The following SOCS2 variants were observed in gnomAD, a reference collection of about 807,000 sequenced individuals.
The protein encoded by SOCS2 is CIS-2.
In SOCS2, 10 loss-of-function variants were observed where a neutral mutation model predicts 18.6. The observed-to-expected ratio is 0.54, with a 90% confidence interval of 0.33 to 0.91. SOCS2 has a LOEUF of 0.91. Among genes scored for constraint, SOCS2 ranks in the 40% least tolerant of loss-of-function variants. The pLI is 0.02. For missense variants in SOCS2, 231 were observed against 247.2 expected (o/e 0.93, Z 0.44); for synonymous variants, 104 against 104.0 (o/e 1.00, Z 0.00).
At chr12:93,600,164 G>C in the SOCS2 span, among the ~76,000 whole-genome samples, 1 of 151,930 alleles carries the variant, frequency 6.6e-6, no homozygotes, top group South Asian at 2.1e-4. Context: ...TGGAGATAAA[G>C]GTATAGATTT....
chr12:93,574,992 G>A lies in SOCS2; in HGVS notation c.410G>A (p.Arg137Gln), dbSNP rs1299521480. 1.9e-6 allele frequency: 3 copies of A among 1,614,044 alleles called. No homozygotes were observed. The highest frequency in any genetic ancestry group is 4.5e-5 in the East Asian group (2 of 44,878). ...TATGTTCAGATGTGCAAGGATAAGC[G>A]GACAGGTCCAGAAGCCCCCCGGAAC... is the stretch of plus-strand genomic sequence containing the variant. ...DYYVQMCKDKRTGPEAPRNGT... is the reference protein window; with the variant it reads ...DYYVQMCKDKQTGPEAPRNGT... Residue 137 changes from arginine to glutamine, a missense_variant, in exon 2 of 2, where the codon CGG becomes CAG. Arg to Gln is a conservative substitution (Grantham distance 43). Transcript: ENST00000551556.
At chr12:93,602,384 CT>C in the SOCS2 span, among the ~76,000 whole-genome samples, 6 of 152,192 alleles carry the variant, frequency 3.9e-5, no homozygotes, top group Non-Finnish European at 5.9e-5. Context: ...GCATAAGCCA[CT>C]GTCACTGGCC....
At chr12:93,596,968 C>T in the SOCS2 span, among the ~76,000 whole-genome samples, 2 of 152,172 alleles carry the variant, frequency 1.3e-5, no homozygotes, top group Admixed American at 1.3e-4. Context: ...TTCATGTGGT[C>T]TATATCTCTC....
the SOCS2 span, among the ~76,000 whole-genome samples, chr12:93,595,338 T>TA: frequency 6.6e-6 from 1 of 152,224 alleles, no homozygotes; most frequent in Non-Finnish European, 1.5e-5. Context: ...ATACCTGACT[T>TA]ACGTGTTTCT....
chr12:93,602,254 T>C, the SOCS2 span, among the ~76,000 whole-genome samples: 346 of 152,308 alleles, frequency 2.3e-3, 4 homozygotes, highest in African/African-American at 8.1e-3. Context: ...CCTGGCTAAC[T>C]TTTTTAAAAA....
Position 93,573,054 on chromosome 12 carries a change from C to T in SOCS2, c.139+18C>T. The T allele has an allele frequency of 2.6e-6, 4 of 1,556,474 alleles. 1 individual carries two copies. The East Asian group carries it at 7.1e-5, about 28-fold the overall frequency. On this transcript the variant is annotated intron_variant, in intron 1 of 1. Coordinates refer to ENST00000551556, the MANE Select transcript of SOCS2 (RefSeq NM_001270471.2). ...TCAGACAGGTAGGGAGCCGATCGGC[C>T]GCGACGCGTGCGGGAGGGAGCGCCT...
chr12:93,619,537 AT>A, the SOCS2 span, among the ~76,000 whole-genome samples: 1 of 152,230 alleles, frequency 6.6e-6, no homozygotes, highest in Non-Finnish European at 1.5e-5. Context: ...AGGAATTAAC[AT>A]TTAGGAAGCT....
At chr12:93,620,336 G>T in the SOCS2 span, among the ~76,000 whole-genome samples, 11 of 152,128 alleles carry the variant, frequency 7.2e-5, no homozygotes, top group African/African-American at 2.7e-4. Context: ...TTCTATTGTG[G>T]ACATTCGGGT....
chr12:93,614,445 TCC>T, the SOCS2 span, among the ~76,000 whole-genome samples: 6 of 70,938 alleles, frequency 8.5e-5, no homozygotes, highest in African/African-American at 2.7e-4. Flanking sequence ...CTTCCTTCCT[TCC>T]TTCCTTCCTT....
At chr12:93,589,200 A>C in the SOCS2 span, among the ~76,000 whole-genome samples, 1 of 152,244 alleles carries the variant, frequency 6.6e-6, no homozygotes, top group Non-Finnish European at 1.5e-5. Flanking sequence ...CTGGGCAGGC[A>C]GTGCCTTGCA....
chr12:93,585,938 TA>T (rs1954582332), downstream of SOCS2, among the ~76,000 whole-genome samples: 1 of 152,238 alleles, frequency 6.6e-6, no homozygotes, highest in Non-Finnish European at 1.5e-5. Context: ...AAATCATCTC[TA>T]AATTACTTAA....
At chr12:93,621,921 G>T in the SOCS2 span, among the ~76,000 whole-genome samples, 1 of 152,178 alleles carries the variant, frequency 6.6e-6, no homozygotes, top group African/African-American at 2.4e-5. Context: ...GCAGAATAGT[G>T]CCTGACACAT....
the SOCS2 span, among the ~76,000 whole-genome samples, chr12:93,621,674 G>T: frequency 6.6e-6 from 1 of 152,028 alleles, no homozygotes; most frequent in East Asian, 1.9e-4. Flanking sequence ...TGTAGAGATG[G>T]AGTCTCACTA....
At chr12:93,572,545 A>T, upstream of SOCS2, 1 of 457,990 alleles carries the variant, frequency 2.2e-6, no homozygotes, top group Non-Finnish European at 4.1e-6. This position sits in a 1 kb window ranked among gnomAD's most constrained non-coding sequence, Gnocchi z 5.0. Context: ...CCAGGGCGCT[A>T]ACTGGAAGCT....
the SOCS2 span, among the ~76,000 whole-genome samples, chr12:93,611,506 G>A: frequency 6.6e-6 from 1 of 152,152 alleles, no homozygotes. Flanking sequence ...CAAAGTGCTG[G>A]AATTATGTGC....
chr12:93,593,511 C>A, the SOCS2 span, among the ~76,000 whole-genome samples: 13 of 152,006 alleles, frequency 8.6e-5, no homozygotes, highest in African/African-American at 2.9e-4. Context: ...ATAGGTAAGA[C>A]CTATTACAGA....
At chr12:93,592,162 G>A in the SOCS2 span, among the ~76,000 whole-genome samples, 1 of 152,084 alleles carries the variant, frequency 6.6e-6, no homozygotes, top group East Asian at 1.9e-4. Flanking sequence ...TGCAGTCGAA[G>A]CCTCTATTTA....
chr12:93,602,646 A>G, the SOCS2 span, among the ~76,000 whole-genome samples: 6 of 152,158 alleles, frequency 3.9e-5, no homozygotes, highest in Non-Finnish European at 7.4e-5. Flanking sequence ...TCAGACCAGG[A>G]GTGGCTCAAA....
chr12:93,577,186 A>G (rs1954478859), downstream of SOCS2, among the ~76,000 whole-genome samples: 1 of 152,190 alleles, frequency 6.6e-6, no homozygotes, highest in Non-Finnish European at 1.5e-5. Flanking sequence ...AAAAGTTCTG[A>G]GTTACTGCTC....
Sources: gnomAD v4.1 joint callset for allele counts (sites outside exome capture counted in the v4.1 genomes callset) on GRCh38, gnomAD v4.1.1 for gene constraint, Gnocchi (gnomAD v3.1) non-coding constraint, MANE v1.5 for transcripts, NCBI Gene and HGNC (gene_info 2026-07-23, HGNC 2026-07-21) for gene names.